The following NEGR1 variants were observed in gnomAD, a reference collection of about 807,000 sequenced individuals.
The protein encoded by NEGR1 is IgLON family member 4.
Under a neutral mutation model 40.9 loss-of-function variants are expected in NEGR1, and 10 were observed. The ratio of observed to expected loss-of-function variants is 0.24; its 90% CI spans 0.15 to 0.42. The LOEUF (loss-of-function observed/expected upper bound fraction) is 0.42. NEGR1 is among the 10% of genes least tolerant of loss of function. NEGR1 has a pLI of 1.00. For synonymous variants in NEGR1, 185 were observed against 166.8 expected, an observed-to-expected ratio of 1.11 and a Z score of -0.84; for missense variants, 352 against 438.9, an observed-to-expected ratio of 0.80 and a Z score of 1.77.
chr1:72,122,542 C>G (rs762600660), intron 1 of NEGR1, among the ~76,000 whole-genome samples: 1 of 151,696 alleles, frequency 6.6e-6, no homozygotes, highest in Non-Finnish European at 1.5e-5. Context: ...ATATATGCAT[C>G]TATTTGATTA....
At chr1:71,770,875 T>C (rs1017617428) in intron 3 of NEGR1, among the ~76,000 whole-genome samples, 1 of 152,198 alleles carries the variant, frequency 6.6e-6, no homozygotes, top group Non-Finnish European at 1.5e-5. Context: ...GTTCAACCAT[T>C]GTGGAAGACA....
chr1:71,810,865 G>A (rs1343418344), intron 2 of NEGR1, among the ~76,000 whole-genome samples: 2 of 152,126 alleles, frequency 1.3e-5, no homozygotes, highest in African/African-American at 4.8e-5. Context: ...CTGTGGAACT[G>A]TGAGCCAATT....
At chr1:71,611,267 A>C (rs1160057008) in intron 4 of NEGR1, 121 bp from the exon 5 acceptor site, 9 of 810,024 alleles carry the variant, frequency 1.1e-5, no homozygotes, top group African/African-American at 1.7e-5. Context: ...CTGATAGACC[A>C]ACGCATCACA....
intron 1 of NEGR1, among the ~76,000 whole-genome samples, chr1:71,981,071 AT>A (rs1293642668): frequency 6.6e-6 from 1 of 152,204 alleles, no homozygotes; most frequent in Non-Finnish European, 1.5e-5. Flanking sequence ...TCTGTAAGAC[AT>A]TGTAAAATTC....
At chr1:71,417,149 A>G (rs1646361400) in intron 6 of NEGR1, among the ~76,000 whole-genome samples, 1 of 152,116 alleles carries the variant, frequency 6.6e-6, no homozygotes, top group Admixed American at 6.5e-5. Context: ...TTTTGCCTAT[A>G]CTTCATCTAT....
chr1:71,801,218 C>T (rs1657543849), intron 2 of NEGR1, among the ~76,000 whole-genome samples: 1 of 152,170 alleles, frequency 6.6e-6, no homozygotes, highest in African/African-American at 2.4e-5. Flanking sequence ...TGCCAGTCAG[C>T]TCTGATGGTT....
At chr1:71,968,962 C>T (rs956474764) in intron 1 of NEGR1, among the ~76,000 whole-genome samples, 6 of 151,972 alleles carry the variant, frequency 3.9e-5, no homozygotes, top group African/African-American at 1.4e-4. Context: ...TAAATAAGAG[C>T]TGCCATGCTG....
intron 1 of NEGR1, among the ~76,000 whole-genome samples, chr1:72,083,554 A>T (rs1160264082): frequency 6.6e-6 from 1 of 152,124 alleles, no homozygotes; most frequent in Non-Finnish European, 1.5e-5. Context: ...AATAAATGTA[A>T]AAACTAGATA....
intron 1 of NEGR1, among the ~76,000 whole-genome samples, chr1:72,018,014 C>A (rs2100415161): frequency 6.6e-6 from 1 of 152,172 alleles, no homozygotes; most frequent in Admixed American, 6.5e-5. Context: ...TTATTTCAAT[C>A]TTGATTTCCA....
At chr1:72,273,043 C>T (rs949009917) in intron 1 of NEGR1, among the ~76,000 whole-genome samples, 1 of 151,918 alleles carries the variant, frequency 6.6e-6, no homozygotes, top group African/African-American at 2.4e-5. Context: ...GAATTCAGAA[C>T]CTGATATGGC....
At chr1:71,670,754 A>G (rs1455859895) in intron 4 of NEGR1, among the ~76,000 whole-genome samples, 2 of 151,402 alleles carry the variant, frequency 1.3e-5, no homozygotes, top group Non-Finnish European at 2.9e-5. Flanking sequence ...CAGCTCTGGA[A>G]AAATTTCAAC....
intron 3 of NEGR1, among the ~76,000 whole-genome samples, chr1:71,743,463 C>T (rs1655280683): frequency 6.6e-6 from 1 of 150,876 alleles, no homozygotes; most frequent in Admixed American, 6.6e-5. Flanking sequence ...ATTTTTATAA[C>T]TATATCAGCC....
chr1:72,219,209 C>T (rs929202590), intron 1 of NEGR1, among the ~76,000 whole-genome samples: 4 of 151,928 alleles, frequency 2.6e-5, no homozygotes, highest in Admixed American at 6.6e-5. Flanking sequence ...GCATTGCTGG[C>T]TATAAAATCA....
intron 6 of NEGR1, among the ~76,000 whole-genome samples, chr1:71,531,877 T>G (rs920909607): frequency 1.3e-5 from 2 of 151,352 alleles, no homozygotes; most frequent in African/African-American, 4.8e-5. Context: ...TCTAAAGCAA[T>G]TTAAAGCATT....
intron 6 of NEGR1, among the ~76,000 whole-genome samples, chr1:71,488,655 G>T (rs973788201): frequency 6.6e-6 from 1 of 151,502 alleles, no homozygotes; most frequent in Non-Finnish European, 1.5e-5. Context: ...AAATATCCTT[G>T]TCACCATGTA....
chr1:71,755,147 A>G (rs1467420318), intron 3 of NEGR1, among the ~76,000 whole-genome samples: 1 of 152,038 alleles, frequency 6.6e-6, no homozygotes, highest in Non-Finnish European at 1.5e-5. Flanking sequence ...ATTCTACCCC[A>G]TCTCATTGAA....
intron 1 of NEGR1, among the ~76,000 whole-genome samples, chr1:71,998,894 TA>T (rs1313292772): frequency 6.6e-6 from 1 of 151,906 alleles, no homozygotes; most frequent in African/African-American, 2.4e-5. Context: ...AGATACTGTA[TA>T]TAATACACAC....
chr1:72,256,212 T>C (rs952946107), intron 1 of NEGR1, among the ~76,000 whole-genome samples: 1 of 152,206 alleles, frequency 6.6e-6, no homozygotes, highest in Admixed American at 6.5e-5. Flanking sequence ...GATTTTCACC[T>C]TTTCAACTGA....
rs544503586 is a variant in NEGR1 at position 71,811,006 on chromosome 1, G to A, written c.410-34709C>T. Among the ~76,000 whole-genome samples, 5 of 152,186 alleles carry A rather than the reference G, an allele frequency of 3.3e-5. No individual in the cohort carries two copies. In the South Asian group the frequency reaches 1.0e-3, roughly 32 times the overall value. ...TCAAATTTGCTTTTCCATAAAACAG[G>A]TATTCTTGAAAATTTGTCTTGACAT... On this transcript the variant is annotated intron_variant, in intron 2 of 6. Coordinates refer to ENST00000357731, the MANE Select transcript of NEGR1 (RefSeq NM_173808.3).
Sources: allele counts gnomAD v4.1 joint callset (sites outside exome capture counted in the v4.1 genomes callset), GRCh38; gene constraint gnomAD v4.1.1; transcripts MANE v1.5; gene names NCBI Gene and HGNC (gene_info 2026-07-23, HGNC 2026-07-21).